Variants in MXRA7 observed in about 807,000 individuals in gnomAD.
The protein encoded by MXRA7 is matrix remodeling associated 7, also known as matrix-remodeling-associated protein 7.
In MXRA7, 18 loss-of-function variants were observed where a neutral mutation model predicts 17.4. The ratio of observed to expected loss-of-function variants is 1.03; its 90% CI spans 0.71 to 1.53. The LOEUF (loss-of-function observed/expected upper bound fraction) is 1.53, where lower values mean the gene tolerates loss of function less well. Among genes scored for constraint, MXRA7 ranks in the 40% most tolerant of loss-of-function variants. MXRA7 has a pLI of 0.00. For missense variants in MXRA7, 141 were observed against 209.3 expected (o/e 0.67, Z 2.01); for synonymous variants, 70 against 101.7 (o/e 0.69, Z 1.87).
intron 1 of MXRA7, chr17:76,688,567 G>T: frequency 7.9e-7 from 1 of 1,260,662 alleles, no homozygotes; most frequent in Non-Finnish European, 1.0e-6. Context: ...CTGGGACCAG[G>T]GCCAGGCAGC....
At chr17:76,677,528 G>A (rs1247792422), downstream of MXRA7, 33 of 1,183,790 alleles carry the variant, frequency 2.8e-5, no homozygotes, top group Non-Finnish European at 3.6e-5. Flanking sequence ...AAGAACAAGG[G>A]CATGGGGCAA....
Position 76,679,596 on chromosome 17 carries a change from G to A in MXRA7, c.*1271C>T. On this transcript the variant is annotated 3_prime_UTR_variant, in exon 4 of 4. Transcript: ENST00000449428. ...GAGATCATCTACTCAAAGTTTATTGGACTGAACAAAGGCTGAATACAGAGA... is the reference window on the plus strand; with the variant it reads ...GAGATCATCTACTCAAAGTTTATTGAACTGAACAAAGGCTGAATACAGAGA... 1 of 973,414 alleles carries A rather than the reference G, an allele frequency of 1.0e-6. No individual in the cohort carries two copies. Among genetic ancestry groups the A allele is most frequent in the Non-Finnish European group, 1.2e-6 (1 of 819,090 alleles). The allele number at this position is 973,414 out of a possible 1,614,324, so 60.3% of individuals were successfully genotyped here.
At chr17:76,698,618 T>C (rs993089056) in intron 1 of MXRA7, among the ~76,000 whole-genome samples, 1 of 150,744 alleles carries the variant, frequency 6.6e-6, no homozygotes, top group Non-Finnish European at 1.5e-5. Flanking sequence ...ACTGTCCCCC[T>C]CTCACTTGTC....
chr17:76,699,344 C>T (rs1196764865), intron 1 of MXRA7, among the ~76,000 whole-genome samples: 4 of 152,044 alleles, frequency 2.6e-5, no homozygotes, highest in Non-Finnish European at 5.9e-5. Context: ...TTGGGTCTCA[C>T]TATGTTGCTC....
chr17:76,707,918 C>T (rs2076680021), intron 1 of MXRA7, among the ~76,000 whole-genome samples: 1 of 152,214 alleles, frequency 6.6e-6, no homozygotes, highest in Non-Finnish European at 1.5e-5. Context: ...TATAATGCTT[C>T]CTCACAGCCC....
chr17:76,698,000 G>A (rs898223641), intron 1 of MXRA7, among the ~76,000 whole-genome samples: 9 of 152,296 alleles, frequency 5.9e-5, no homozygotes, highest in East Asian at 1.9e-4. Context: ...TTCTGCCTGC[G>A]TGTCTGCTGC....
intron 1 of MXRA7, chr17:76,689,598 G>A (rs925354134): frequency 2.0e-5 from 3 of 152,200 alleles, no homozygotes; most frequent in Non-Finnish European, 4.4e-5. Flanking sequence ...TCCGGGGGCA[G>A]GAAGAGGAGC....
intron 2 of MXRA7, 28 bp downstream of exon 2, chr17:76,688,085 C>G (rs750830879): frequency 4.8e-5 from 78 of 1,611,220 alleles, no homozygotes; most frequent in South Asian, 7.7e-5. Context: ...CTGTCAGGCC[C>G]CCTCATGAGC....
At chr17:76,706,338 A>G (rs76165299) in intron 1 of MXRA7, among the ~76,000 whole-genome samples, 2,335 of 12,364 alleles carry the variant, frequency 0.19, 433 homozygotes, top group African/African-American at 0.24. Context: ...CCACGCTGCC[A>G]TCACAGAGGC....
intron 1 of MXRA7, 111 bp from the exon 2 acceptor site, chr17:76,688,287 CA>C (rs1567981703): frequency 1.6e-5 from 24 of 1,528,462 alleles, no homozygotes; most frequent in Non-Finnish European, 2.0e-5. Flanking sequence ...CCAGCCTGCC[CA>C]CGCCCTGTGG....
chr17:76,686,412 A>G (rs561938574), intron 2 of MXRA7, among the ~76,000 whole-genome samples: 4 of 152,238 alleles, frequency 2.6e-5, no homozygotes, highest in East Asian at 1.9e-4. Flanking sequence ...CCCGGGAGGC[A>G]GAGGTTGCAG....
intron 1 of MXRA7, among the ~76,000 whole-genome samples, chr17:76,692,356 C>A (rs147792167): frequency 4.0e-5 from 6 of 151,644 alleles, no homozygotes; most frequent in Non-Finnish European, 1.5e-5. Flanking sequence ...CAGGTTCAAG[C>A]GACTCTCCTG....
intron 1 of MXRA7, among the ~76,000 whole-genome samples, chr17:76,692,655 C>T (rs986640905): frequency 8.2e-5 from 12 of 145,728 alleles, no homozygotes; most frequent in African/African-American, 2.7e-4. Flanking sequence ...AAAAAATGGG[C>T]GACCAAAGTC....
Position 76,680,822 on chromosome 17 carries a change from A to G in MXRA7, c.*45T>C, listed in dbSNP as rs1353344087. 2.5e-6 allele frequency: 4 copies of G among 1,601,590 alleles called. No homozygotes were observed. The highest frequency in any genetic ancestry group is 3.4e-6 in the Non-Finnish European group (4 of 1,174,100). On this transcript the variant is annotated 3_prime_UTR_variant, in exon 4 of 4. Transcript: ENST00000449428. ...CCGTTTTATCTCTCAAGCTTTTAAG[A>G]TGCCAAAAGGAAAAGCCTTTAGGAG... is the stretch of plus-strand genomic sequence containing the variant.
chr17:76,703,041 G>A (rs2076613856), intron 1 of MXRA7, among the ~76,000 whole-genome samples: 1 of 151,622 alleles, frequency 6.6e-6, no homozygotes, highest in Non-Finnish European at 1.5e-5. Flanking sequence ...GAGCCCAGGA[G>A]GTGGAGGTTG....
At chr17:76,703,102 A>C in intron 1 of MXRA7, among the ~76,000 whole-genome samples, 1 of 151,590 alleles carries the variant, frequency 6.6e-6, no homozygotes, top group South Asian at 2.1e-4. Flanking sequence ...ACAGAACCAG[A>C]CCTTGTCTCA....
At chr17:76,706,163 CGCTGCCGT>C (rs2076653627) in intron 1 of MXRA7, among the ~76,000 whole-genome samples, 1 of 150,676 alleles carries the variant, frequency 6.6e-6, no homozygotes, top group African/African-American at 2.5e-5. Context: ...CAGAGGCCCA[CGCTGCCGT>C]CACAGAGGCC....
At chr17:76,707,704 A>G (rs998782583) in intron 1 of MXRA7, among the ~76,000 whole-genome samples, 2 of 152,152 alleles carry the variant, frequency 1.3e-5, no homozygotes, top group African/African-American at 2.4e-5. Flanking sequence ...ATGACCCTTG[A>G]CGCTTTGCCA....
chr17:76,701,227 G>A (rs940202247), intron 1 of MXRA7, among the ~76,000 whole-genome samples: 10 of 152,066 alleles, frequency 6.6e-5, no homozygotes, highest in African/African-American at 2.4e-4. Flanking sequence ...AAGATGAGAG[G>A]AGGGAGGGCT....
Sources: allele counts gnomAD v4.1 joint callset (sites outside exome capture counted in the v4.1 genomes callset), GRCh38; gene constraint gnomAD v4.1.1; transcripts MANE v1.5; gene names NCBI Gene and HGNC (gene_info 2026-07-23, HGNC 2026-07-21).